SEC14L5: variants seen among roughly 807,000 people sequenced by gnomAD.
The protein encoded by SEC14L5 is SEC14-like protein 5.
Under a neutral mutation model 84.6 loss-of-function variants are expected in SEC14L5, and 96 were observed. That is an observed-to-expected ratio of 1.13 (90% CI 0.96 to 1.34). The LOEUF (loss-of-function observed/expected upper bound fraction) is 1.34, where lower values mean the gene tolerates loss of function less well. SEC14L5 is among the 40% of genes most tolerant of loss of function. The pLI, the probability that SEC14L5 is intolerant of heterozygous loss-of-function variation, is 0.00. For missense variants in SEC14L5, 1,224 were observed against 942.5 expected (o/e 1.30, Z -3.91); for synonymous variants, 546 against 383.4 (o/e 1.42, Z -4.95).
intron 2 of SEC14L5, among the ~76,000 whole-genome samples, chr16:4,977,402 G>C (rs967332422): frequency 1.6e-5 from 2 of 122,850 alleles, no homozygotes; most frequent in Non-Finnish European, 3.2e-5. Flanking sequence ...AGCTGAGATC[G>C]TGCCATTGCA....
rs141602597 is a variant in SEC14L5, at chr16:5,006,055, C to T, written c.1437+7C>T. 1.9e-5 allele frequency: 31 copies of T among 1,613,070 alleles called. No individual in the cohort carries two copies. In the African/African-American group the frequency reaches 2.9e-4, roughly 15 times the overall value. On this transcript the variant is annotated splice_region_variant and intron_variant, in intron 12 of 15. Coordinates refer to ENST00000251170, the MANE Select transcript of SEC14L5 (RefSeq NM_014692.2). ...CCTTGGGGGAGAGAGTGTGGTGAGG[C>T]TTCCATGTCCACAGACAGACCTGGG...
At chr16:4,976,841 G>A (rs1016242014) in intron 2 of SEC14L5, among the ~76,000 whole-genome samples, 1 of 152,222 alleles carries the variant, frequency 6.6e-6, no homozygotes, top group Non-Finnish European at 1.5e-5. Context: ...CAAACCATGT[G>A]TTTGTTTAGC....
At chr16:5,000,327 A>G (rs954721873) in intron 8 of SEC14L5, among the ~76,000 whole-genome samples, 1 of 152,134 alleles carries the variant, frequency 6.6e-6, no homozygotes, top group Admixed American at 6.6e-5. Flanking sequence ...TGTAGAGAAG[A>G]GGTCTCATTA....
At chr16:5,001,720 C>T (rs995045204) in intron 10 of SEC14L5, among the ~76,000 whole-genome samples, 4 of 152,142 alleles carry the variant, frequency 2.6e-5, no homozygotes, top group South Asian at 4.1e-4. Context: ...ACGGTGGCAT[C>T]GCCCCCAAAG....
Position 5,009,526 on chromosome 16 carries a change from G to T in SEC14L5, c.1800+878G>T, listed in dbSNP as rs570113778. 3.9e-5 allele frequency among the ~76,000 whole-genome samples: 6 copies of T among 152,078 alleles called. No individual in the cohort carries two copies. In the South Asian group the frequency reaches 1.2e-3, roughly 32 times the overall value. Reference sequence around the variant, plus strand: ...TTTTGTAGAGATGGGGTCTTGCTATGTTGCCCAGGATGATCTTGAATGCCT... The same window carrying T: ...TTTTGTAGAGATGGGGTCTTGCTATTTTGCCCAGGATGATCTTGAATGCCT... On this transcript the variant is annotated intron_variant, in intron 14 of 15. Transcript: ENST00000251170.
intron 4 of SEC14L5, 127 bp downstream of exon 4, chr16:4,988,407 A>G: frequency 8.3e-7 from 1 of 1,205,110 alleles, no homozygotes; most frequent in East Asian, 2.6e-5. Flanking sequence ...GGCATTGTCA[A>G]GAAAGATGCA....
chr16:4,967,562 G>GTTTT (rs869061549), intron 2 of SEC14L5, among the ~76,000 whole-genome samples: 22 of 37,112 alleles, frequency 5.9e-4, no homozygotes, highest in South Asian at 1.3e-3. Flanking sequence ...TCTTTCTTTC[G>GTTTT]TTTTTTTTTT....
rs560783788 is a variant in SEC14L5, at chr16:5,016,389, G to C, written c.*1419G>C. 1 of 152,222 alleles carries C rather than the reference G, an allele frequency of 6.6e-6. No homozygotes were observed. The highest frequency in any genetic ancestry group is 2.4e-5 in the African/African-American group (1 of 41,526). The allele number at this position is 152,222 out of a possible 1,614,324, so 9.4% of individuals were successfully genotyped here. On this transcript the variant is annotated 3_prime_UTR_variant, in exon 16 of 16. Coordinates refer to ENST00000251170, the MANE Select transcript of SEC14L5 (RefSeq NM_014692.2). ...CCTTTAGAATGGTTTAAAAATTGAG[G>C]CATTTCGCATCGAAATCAGGATTTC...
chr16:5,007,543 C>G (rs1955745607), intron 13 of SEC14L5, 57 bp downstream of exon 13: 1 of 1,483,786 alleles, frequency 6.7e-7, no homozygotes, highest in Non-Finnish European at 9.3e-7. Context: ...CGTCTTAGGT[C>G]AGGTGACCCC....
intron 14 of SEC14L5, chr16:5,010,858 A>G (rs1383876935): frequency 8.1e-6 from 4 of 495,066 alleles, no homozygotes; most frequent in African/African-American, 7.6e-5. Flanking sequence ...CCCCACCCCC[A>G]GGCGTCAGCT....
chr16:4,969,867 G>A (rs1008649848), intron 2 of SEC14L5, among the ~76,000 whole-genome samples: 6 of 151,244 alleles, frequency 4.0e-5, no homozygotes, highest in African/African-American at 1.5e-4. Context: ...ACCCAGGCTG[G>A]GGTGCAGCGG....
intron 10 of SEC14L5, among the ~76,000 whole-genome samples, chr16:5,002,025 C>T (rs917471888): frequency 1.3e-5 from 2 of 152,232 alleles, no homozygotes; most frequent in African/African-American, 2.4e-5. Context: ...CCACCTTGGC[C>T]TTCCAAAGGG....
chr16:4,966,695 A>G (rs1457283180), intron 2 of SEC14L5, among the ~76,000 whole-genome samples: 1 of 152,146 alleles, frequency 6.6e-6, no homozygotes, highest in African/African-American at 2.4e-5. Context: ...AGGGCTCCAA[A>G]GCAAACATGT....
At chr16:5,008,312 TG>T in intron 13 of SEC14L5, 108 bp from the exon 14 acceptor site, 1 of 749,252 alleles carries the variant, frequency 1.3e-6, no homozygotes, top group Non-Finnish European at 2.3e-6. Flanking sequence ...AGCGTGTGCC[TG>T]GGAAAGGAGA....
chr16:4,997,167 C>T (rs1404407609), intron 8 of SEC14L5, 123 bp downstream of exon 8: 58 of 629,594 alleles, frequency 9.2e-5, no homozygotes, highest in Non-Finnish European at 1.3e-4. Context: ...GGTGCCATCT[C>T]GGCTCACCAT....
At chr16:4,995,153 A>T (rs927966451) in intron 6 of SEC14L5, among the ~76,000 whole-genome samples, 4 of 152,128 alleles carry the variant, frequency 2.6e-5, no homozygotes, top group Non-Finnish European at 4.4e-5. Context: ...CCGTTCATTC[A>T]GCCTGTTTTC....
chr16:5,007,543 C>T, intron 13 of SEC14L5, 57 bp downstream of exon 13: 1 of 1,483,904 alleles, frequency 6.7e-7, no homozygotes, highest in South Asian at 1.2e-5. Context: ...CGTCTTAGGT[C>T]AGGTGACCCC....
chr16:5,012,283 G>T (rs1320801092), intron 15 of SEC14L5, among the ~76,000 whole-genome samples: 1 of 152,198 alleles, frequency 6.6e-6, no homozygotes, highest in Non-Finnish European at 1.5e-5. Context: ...TTGGAAGGTT[G>T]TCTCTGGGAG....
At position 5,008,777 on chromosome 16, in the gene SEC14L5, C is replaced by G. The variant is rs373460116; in HGVS notation, c.1800+129C>G. 4.2e-4 allele frequency: 333 copies of G among 789,900 alleles called. 3 individuals carry two copies. In the East Asian group the frequency reaches 8.1e-3, roughly 19 times the overall value. 48.9% of individuals were successfully genotyped at this position (789,900 alleles called of 1,614,324 possible). On this transcript the variant is annotated intron_variant, in intron 14 of 15. Coordinates refer to ENST00000251170, the MANE Select transcript of SEC14L5 (RefSeq NM_014692.2). ...CCCCAGCCTCAGGGACCCTGCAGGA[C>G]AGGGCAGAGGAAAGACACACAGGGT...
Sources: gnomAD v4.1 joint callset for allele counts (sites outside exome capture counted in the v4.1 genomes callset) on GRCh38, gnomAD v4.1.1 for gene constraint, MANE v1.5 for transcripts, NCBI Gene and HGNC (gene_info 2026-07-23, HGNC 2026-07-21) for gene names.